The following CAMTA1 variants were observed in gnomAD, a reference collection of about 807,000 sequenced individuals.
The protein encoded by CAMTA1 is calmodulin-binding transcription activator 1.
Under a neutral mutation model 170.9 loss-of-function variants are expected in CAMTA1, and 27 were observed. The ratio of observed to expected loss-of-function variants is 0.16; its 90% CI spans 0.12 to 0.22. The LOEUF is 0.22. Among genes scored for constraint, CAMTA1 ranks in the 10% least tolerant of loss-of-function variants. CAMTA1 has a pLI of 1.00. For missense variants in CAMTA1, 1,619 were observed against 2,217.2 expected, an observed-to-expected ratio of 0.73 and a Z score of 5.42; for synonymous variants, 833 against 891.5, an observed-to-expected ratio of 0.93 and a Z score of 1.17.
intron 5 of CAMTA1, among the ~76,000 whole-genome samples, chr1:7,336,174 G>T (rs2083372510): frequency 6.6e-6 from 1 of 152,224 alleles, no homozygotes; most frequent in Non-Finnish European, 1.5e-5. Flanking sequence ...GTTGTTCACA[G>T]TGTGGGTGAG....
intron 11 of CAMTA1, among the ~76,000 whole-genome samples, chr1:7,731,963 T>A (rs1181108627): frequency 6.6e-6 from 1 of 152,106 alleles, no homozygotes; most frequent in Non-Finnish European, 1.5e-5. Context: ...GAAATAAAAT[T>A]TAAAACAATT....
At chr1:7,134,193 C>T (rs1263876197) in intron 4 of CAMTA1, among the ~76,000 whole-genome samples, 1 of 152,194 alleles carries the variant, frequency 6.6e-6, no homozygotes, top group Admixed American at 6.5e-5. Context: ...GGATTATGAC[C>T]TCCACCTGCA....
chr1:7,739,868 A>C (rs1404386943), intron 16 of CAMTA1, among the ~76,000 whole-genome samples: 1 of 152,174 alleles, frequency 6.6e-6, no homozygotes, highest in African/African-American at 2.4e-5. Flanking sequence ...TCCCTACCAC[A>C]ACACATGGGA....
chr1:7,735,607 CT>C (rs1183393008), intron 12 of CAMTA1, among the ~76,000 whole-genome samples: 1 of 152,158 alleles, frequency 6.6e-6, no homozygotes, highest in Non-Finnish European at 1.5e-5. Context: ...GCTGTGTACA[CT>C]TTCCCCAAGA....
rs184144925 is a variant in CAMTA1, at chr1:7,238,703, G to C, written c.303-10788G>C. 5.6e-4 allele frequency among the ~76,000 whole-genome samples: 86 copies of C among 152,330 alleles called. 1 individual carries two copies. In the East Asian group the frequency reaches 0.012, roughly 21 times the overall value. The stretch of plus-strand genomic sequence containing the variant: ...GTTCAAGACCAGCCTGACCAACATG[G>C]TGAAACCCTGTCTCTACTAAAAATA... On this transcript the variant is annotated intron_variant, in intron 4 of 22. Transcript: ENST00000303635.
chr1:6,897,036 CT>C (rs1675799352), intron 3 of CAMTA1, among the ~76,000 whole-genome samples: 1 of 152,126 alleles, frequency 6.6e-6, no homozygotes, highest in African/African-American at 2.4e-5. Context: ...ATTTCAGTTG[CT>C]TTTGAGTGAG....
At chr1:7,029,949 T>G (rs1702568394) in intron 3 of CAMTA1, among the ~76,000 whole-genome samples, 1 of 152,232 alleles carries the variant, frequency 6.6e-6, no homozygotes, top group African/African-American at 2.4e-5. Context: ...ATGTTTGGCT[T>G]AATGAAAGAC....
chr1:7,194,442 G>A (rs1005664362), intron 4 of CAMTA1, among the ~76,000 whole-genome samples: 1 of 151,914 alleles, frequency 6.6e-6, no homozygotes, highest in African/African-American at 2.4e-5. Context: ...TTTTTTTATG[G>A]TGCTGTTCTT....
At chr1:7,033,098 T>A (rs35447019) in intron 3 of CAMTA1, among the ~76,000 whole-genome samples, 49,498 of 152,060 alleles carry the variant, frequency 0.33, 8,609 homozygotes, top group African/African-American at 0.46. Flanking sequence ...ATTTATAGTT[T>A]TATCAAATTT....
chr1:7,199,681 C>T (rs1006485066), intron 4 of CAMTA1, among the ~76,000 whole-genome samples: 1 of 141,020 alleles, frequency 7.1e-6, no homozygotes, highest in Admixed American at 7.6e-5. Context: ...GAAATGTATC[C>T]AAGGACGCAT....
chr1:7,498,965 TTG>T (rs1310726965), intron 6 of CAMTA1, among the ~76,000 whole-genome samples: 69 of 123,992 alleles, frequency 5.6e-4, no homozygotes, highest in African/African-American at 2.0e-3. Context: ...GTAGAGAGGA[TTG>T]TGTGAGTCTG....
intron 4 of CAMTA1, among the ~76,000 whole-genome samples, chr1:7,105,944 A>T (rs994757435): frequency 3.3e-5 from 5 of 152,108 alleles, no homozygotes; most frequent in South Asian, 4.1e-4. Context: ...TGTCTCAAAA[A>T]AAAAAAAGGG....
chr1:7,121,684 G>C (rs980826818), intron 4 of CAMTA1, among the ~76,000 whole-genome samples: 4 of 152,232 alleles, frequency 2.6e-5, no homozygotes, highest in Admixed American at 2.0e-4. Context: ...CTTCCACTGT[G>C]CCTGCTGAGG....
At chr1:7,196,656 T>C (rs1380899361) in intron 4 of CAMTA1, among the ~76,000 whole-genome samples, 1 of 152,160 alleles carries the variant, frequency 6.6e-6, no homozygotes, top group African/African-American at 2.4e-5. Flanking sequence ...CAGAAATAAA[T>C]GAGGGCAAAA....
chr1:6,953,364 C>T (rs375739784), intron 3 of CAMTA1, among the ~76,000 whole-genome samples: 3 of 152,252 alleles, frequency 2.0e-5, no homozygotes, highest in South Asian at 2.1e-4. Flanking sequence ...ACCCCGGGAA[C>T]GTGGCCAAGA....
At chr1:7,477,651 A>G (rs1476215689) in intron 6 of CAMTA1, among the ~76,000 whole-genome samples, 1 of 151,168 alleles carries the variant, frequency 6.6e-6, no homozygotes, top group East Asian at 1.9e-4. Context: ...GGCATTTTCT[A>G]GAAGATTCCC....
rs796471173 is a variant in CAMTA1, at chr1:7,320,660, T to G, written c.438+71034T>G. On this transcript the variant is annotated intron_variant, in intron 5 of 22. Transcript: ENST00000303635. ...GCTGTGCTGTGTGTGTTTTTTTTTTTTTTTTTTTTTTTTTGCTATCTTAGC... is the reference window on the plus strand; with the variant it reads ...GCTGTGCTGTGTGTGTTTTTTTTTTGTTTTTTTTTTTTTTGCTATCTTAGC... Among the ~76,000 whole-genome samples the G allele has an allele frequency of 8.4e-3, 1,248 of 149,352 alleles. 17 individuals are homozygous for G. Among genetic ancestry groups the G allele is most frequent in the African/African-American group, 0.029 (1,185 of 40,310 alleles).
intron 9 of CAMTA1, among the ~76,000 whole-genome samples, chr1:7,667,028 A>G (rs1374887983): frequency 6.6e-6 from 1 of 152,148 alleles, no homozygotes; most frequent in Non-Finnish European, 1.5e-5. Flanking sequence ...AGCTGGGGTT[A>G]CAGACACACC....
chr1:7,531,498 C>T (rs1291289394), intron 6 of CAMTA1, among the ~76,000 whole-genome samples: 1 of 152,298 alleles, frequency 6.6e-6, no homozygotes, highest in East Asian at 1.9e-4. Context: ...CTGAGCACCT[C>T]GTTCCCCAGA....
Sources: allele counts gnomAD v4.1 joint callset (sites outside exome capture counted in the v4.1 genomes callset), GRCh38; gene constraint gnomAD v4.1.1; transcripts MANE v1.5; gene names NCBI Gene and HGNC (gene_info 2026-07-23, HGNC 2026-07-21).